The following MTCL1 variants were observed in gnomAD, a reference collection of about 807,000 sequenced individuals.
MTCL1 encodes the protein microtubule crosslinking factor 1, also known as microtubule cross-linking factor 1.
MTCL1 carries 79 observed loss-of-function variants against 141.4 expected under a neutral mutation model. The ratio of observed to expected loss-of-function variants is 0.56; its 90% CI spans 0.47 to 0.67. The LOEUF (loss-of-function observed/expected upper bound fraction) is 0.67, where lower values mean the gene tolerates loss of function less well. MTCL1 is among the 30% of genes least tolerant of loss of function. MTCL1 has a pLI of 0.00. For synonymous variants in MTCL1, 914 were observed against 875.8 expected, an observed-to-expected ratio of 1.04 and a Z score of -0.77; for missense variants, 2,177 against 2,113.9, an observed-to-expected ratio of 1.03 and a Z score of -0.59.
chr18:8,756,543 G>GTATATATATGTGTGTATATA (rs375645531), intron 4 of MTCL1, among the ~76,000 whole-genome samples: 33 of 144,860 alleles, frequency 2.3e-4, no homozygotes, highest in African/African-American at 8.9e-4. Context: ...GTATATATGT[G>GTATATATATGTGTGTATATA]TATATATATG....
At chr18:8,758,999 G>A (rs2096416560) in intron 4 of MTCL1, among the ~76,000 whole-genome samples, 1 of 152,210 alleles carries the variant, frequency 6.6e-6, no homozygotes, top group Admixed American at 6.5e-5. Context: ...CAGTAGAGGG[G>A]CAGAAGGACA....
chr18:8,732,215 G>C (rs573969192), intron 4 of MTCL1, among the ~76,000 whole-genome samples: 4 of 152,088 alleles, frequency 2.6e-5, no homozygotes, highest in South Asian at 4.2e-4. Flanking sequence ...CTCCCGAGTA[G>C]CTGAGACTAC....
At chr18:8,788,215 C>T (rs753658885) in intron 7 of MTCL1, among the ~76,000 whole-genome samples, 7 of 152,128 alleles carry the variant, frequency 4.6e-5, no homozygotes, top group Non-Finnish European at 1.0e-4. Flanking sequence ...TGAGGCAGGG[C>T]TGGAGCTGGA....
At chr18:8,766,306 C>T (rs1402152234) in intron 4 of MTCL1, among the ~76,000 whole-genome samples, 1 of 151,646 alleles carries the variant, frequency 6.6e-6, no homozygotes, top group African/African-American at 2.4e-5. Flanking sequence ...TGAGCTGATC[C>T]ACCGAGCTCC....
chr18:8,735,482 G>C (rs1170576841), intron 4 of MTCL1, among the ~76,000 whole-genome samples: 1 of 152,148 alleles, frequency 6.6e-6, no homozygotes, highest in East Asian at 1.9e-4. Flanking sequence ...CTTCCTGGCT[G>C]CCTTTTTCAA....
In MTCL1 at chr18:8,830,100, A is replaced by C; in HGVS notation, c.*18+1136A>C. On this transcript the variant is annotated intron_variant, in intron 16 of 16. Transcript: ENST00000359865. This position sits in a 1 kb window ranked among gnomAD's most constrained non-coding sequence, Gnocchi z 6.4. ...ACTACTTCTATAACAAGGGGAGCGC[A>C]GACACAAAACACACAGATTTCCCAA... 1.0e-6 allele frequency: 1 copy of C among 985,504 alleles called. No homozygotes were observed. The highest frequency in any genetic ancestry group is 1.2e-6 in the Non-Finnish European group (1 of 830,034). 61.0% of individuals were successfully genotyped at this position (985,504 alleles called of 1,614,324 possible).
At chr18:8,726,518 C>G (rs7244417) in intron 4 of MTCL1, among the ~76,000 whole-genome samples, 1 of 130,978 alleles carries the variant, frequency 7.6e-6, no homozygotes, top group African/African-American at 3.2e-5. Flanking sequence ...CAAGAGCGAG[C>G]GAGAGAGAGC....
At chr18:8,764,411 G>A (rs375355820) in intron 4 of MTCL1, among the ~76,000 whole-genome samples, 2 of 151,526 alleles carry the variant, frequency 1.3e-5, no homozygotes, top group African/African-American at 4.9e-5. Context: ...TCTGCCTCCC[G>A]GGTTCAAGTG....
exon 13 of MTCL1, chr18:8,819,158 G>T: frequency 6.2e-7 from 1 of 1,614,212 alleles, no homozygotes; most frequent in Non-Finnish European, 8.5e-7. Context: ...CAGGTGCTCG[G>T]CCAGTGAGAA....
intron 6 of MTCL1, 105 bp from the exon 6 acceptor site, chr18:8,785,831 T>G (rs2096551314): frequency 7.0e-7 from 1 of 1,425,230 alleles, no homozygotes; most frequent in African/African-American, 1.4e-5. Flanking sequence ...ATTTTTGTTT[T>G]CTTTATCCCC....
In MTCL1 at chr18:8,796,133, T is replaced by A; in HGVS notation, c.2011-99T>A. On this transcript the variant is annotated intron_variant, in intron 8 of 16. Coordinates refer to ENST00000359865, the Ensembl canonical transcript of MTCL1. The stretch of plus-strand genomic sequence containing the variant: ...TGTGTTTCACGTCTCATATGCAGCA[T>A]GACAGAGACTGAGTGGCAGTTTGCA... 3 of 1,168,788 alleles carry A rather than the reference T, an allele frequency of 2.6e-6. No homozygotes were observed. In the Admixed American group the frequency reaches 5.2e-5, roughly 20 times the overall value. 72.4% of individuals were successfully genotyped at this position (1,168,788 alleles called of 1,614,324 possible).
chr18:8,723,203 G>T (rs2096184722), intron 4 of MTCL1, among the ~76,000 whole-genome samples: 1 of 152,194 alleles, frequency 6.6e-6, no homozygotes, highest in African/African-American at 2.4e-5. Flanking sequence ...TTAGATGCTG[G>T]TAGATTAAAC....
chr18:8,812,867 C>T, intron 11 of MTCL1, 112 bp from the exon 11 acceptor site: 1 of 1,393,988 alleles, frequency 7.2e-7, no homozygotes, highest in Admixed American at 2.3e-5. Flanking sequence ...TGGGATTGGT[C>T]AAATCTTGGT....
chr18:8,752,783 C>A (rs544092248), intron 4 of MTCL1, among the ~76,000 whole-genome samples: 1 of 152,150 alleles, frequency 6.6e-6, no homozygotes, highest in Non-Finnish European at 1.5e-5. Context: ...TTGCTGGGTG[C>A]GTAGGCTATT....
At position 8,786,236 on chromosome 18, in the gene MTCL1, A is replaced by G. The variant is rs547798325; in HGVS notation, c.1887+145A>G. ...ACTAGGTGGAACTCACTTGACAGCA[A>G]ACCCATTTTGTGGCACTGGGACAGG... On this transcript the variant is annotated intron_variant, in intron 7 of 16. Transcript: ENST00000359865. 3.4e-5 allele frequency: 33 copies of G among 967,730 alleles called. No individual in the cohort carries two copies. The South Asian group carries it at 4.6e-4, about 13-fold the overall frequency. The allele number at this position is 967,730 out of a possible 1,614,324, so 59.9% of individuals were successfully genotyped here.
At chr18:8,791,346 G>A (rs77562786) in intron 7 of MTCL1, among the ~76,000 whole-genome samples, 1,762 of 151,728 alleles carry the variant, frequency 0.012, 35 homozygotes, top group African/African-American at 0.04. Flanking sequence ...AGTTTGGTCC[G>A]GGAATCCCCA....
chr18:8,733,765 C>A (rs1046247007), intron 4 of MTCL1, among the ~76,000 whole-genome samples: 2 of 152,276 alleles, frequency 1.3e-5, no homozygotes, highest in African/African-American at 4.8e-5. Context: ...GCTACAGGAG[C>A]GTCCTCGCAG....
intron 4 of MTCL1, among the ~76,000 whole-genome samples, chr18:8,762,777 G>T (rs73939530): frequency 6.6e-6 from 1 of 152,220 alleles, no homozygotes; most frequent in East Asian, 1.9e-4. Flanking sequence ...AGCCCCTCTC[G>T]GTGAGGGGCA....
At chr18:8,780,711 C>G (rs1431966021) in intron 5 of MTCL1, among the ~76,000 whole-genome samples, 1 of 152,170 alleles carries the variant, frequency 6.6e-6, no homozygotes, top group Non-Finnish European at 1.5e-5. Flanking sequence ...ACAACAAAGA[C>G]CTGTCTATGT....
Sources: gnomAD v4.1 joint callset for allele counts (sites outside exome capture counted in the v4.1 genomes callset) on GRCh38, gnomAD v4.1.1 for gene constraint, Gnocchi (gnomAD v3.1) non-coding constraint, MANE v1.5 for transcripts, NCBI Gene and HGNC (gene_info 2026-07-23, HGNC 2026-07-21) for gene names.